Variants in SGCD observed in about 807,000 individuals in gnomAD.
SGCD encodes delta-sarcoglycan.
Under a neutral mutation model 36.6 loss-of-function variants are expected in SGCD, and 18 were observed. The ratio of observed to expected loss-of-function variants is 0.49; its 90% CI spans 0.34 to 0.73. The LOEUF is 0.73. Among genes scored for constraint, SGCD ranks in the 30% least tolerant of loss-of-function variants. The pLI is 0.01. For synonymous variants in SGCD, 133 were observed against 130.6 expected (o/e 1.02, Z -0.12); for missense variants, 387 against 346.7 (o/e 1.12, Z -0.92).
chr5:156,334,536 G>A (rs1768226684), intron 2 of SGCD, among the ~76,000 whole-genome samples: 1 of 151,204 alleles, frequency 6.6e-6, no homozygotes, highest in African/African-American at 2.4e-5. Flanking sequence ...TTTTCCATGA[G>A]GTCAACCTTT....
At chr5:155,829,846 C>T in the SGCD span, among the ~76,000 whole-genome samples, 1 of 152,142 alleles carries the variant, frequency 6.6e-6, no homozygotes, top group Non-Finnish European at 1.5e-5. Flanking sequence ...AATGGAAAGT[C>T]TCAGGTTGTA....
intron 7 of SGCD, among the ~76,000 whole-genome samples, chr5:156,693,347 T>A (rs1754188287): frequency 6.6e-6 from 1 of 152,138 alleles, no homozygotes; most frequent in Admixed American, 6.6e-5. Flanking sequence ...ACTGACCCTG[T>A]CAGAGAGATA....
chr5:155,833,615 G>T, the SGCD span, among the ~76,000 whole-genome samples: 1 of 152,164 alleles, frequency 6.6e-6, no homozygotes, highest in African/African-American at 2.4e-5. Flanking sequence ...AAACCAAGGG[G>T]GGAAAAGTCT....
At chr5:156,391,780 G>A (rs1771584915) in intron 3 of SGCD, among the ~76,000 whole-genome samples, 2 of 152,156 alleles carry the variant, frequency 1.3e-5, no homozygotes, top group Non-Finnish European at 2.9e-5. Flanking sequence ...GTGTTTGCTA[G>A]TACTATCATA....
At chr5:155,764,330 C>T in the SGCD span, among the ~76,000 whole-genome samples, 1 of 152,246 alleles carries the variant, frequency 6.6e-6, no homozygotes, top group Non-Finnish European at 1.5e-5. Flanking sequence ...AAAAAACGTC[C>T]CCAAACATAG....
chr5:156,108,773 T>C (rs1761712311), intron 1 of SGCD, among the ~76,000 whole-genome samples: 1 of 152,148 alleles, frequency 6.6e-6, no homozygotes, highest in Non-Finnish European at 1.5e-5. Context: ...AGAGGGTTGA[T>C]CAAGTTGAGT....
chr5:156,697,257 C>G (rs1475519197), intron 7 of SGCD, among the ~76,000 whole-genome samples: 1 of 152,116 alleles, frequency 6.6e-6, no homozygotes, highest in Non-Finnish European at 1.5e-5. Flanking sequence ...AATTATATCT[C>G]AATATAGTTG....
At chr5:156,561,690 T>C (rs1759273423) in intron 4 of SGCD, among the ~76,000 whole-genome samples, 1 of 152,192 alleles carries the variant, frequency 6.6e-6, no homozygotes, top group Non-Finnish European at 1.5e-5. Context: ...GGTCACTCCT[T>C]CCAGTAAGAG....
At chr5:155,949,952 T>C (rs1757518407) in intron 1 of SGCD, among the ~76,000 whole-genome samples, 1 of 152,222 alleles carries the variant, frequency 6.6e-6, no homozygotes, top group East Asian at 1.9e-4. Flanking sequence ...TTCCCATGCA[T>C]GCGCCTGGAA....
chr5:156,436,515 A>G (rs573452280), intron 3 of SGCD, among the ~76,000 whole-genome samples: 2 of 152,250 alleles, frequency 1.3e-5, no homozygotes, highest in East Asian at 3.9e-4. Flanking sequence ...TAGGAGTTAT[A>G]ATATTGTGGA....
chr5:156,436,164 A>T (rs779265554), intron 3 of SGCD, among the ~76,000 whole-genome samples: 4 of 152,172 alleles, frequency 2.6e-5, no homozygotes, highest in Non-Finnish European at 4.4e-5. Context: ...AACTGCCTGG[A>T]TTCTTTGTCA....
chr5:156,364,366 T>A (rs1350966468), intron 3 of SGCD, among the ~76,000 whole-genome samples: 1 of 120,796 alleles, frequency 8.3e-6, no homozygotes, highest in Non-Finnish European at 1.8e-5. Context: ...GTGTCAGGGC[T>A]ACATTTTTTT....
chr5:156,529,171 A>C (rs910324244), intron 4 of SGCD, among the ~76,000 whole-genome samples: 62 of 152,116 alleles, frequency 4.1e-4, no homozygotes, highest in African/African-American at 1.4e-3. Flanking sequence ...TCACGTCTGT[A>C]ATCCCAGCAC....
At chr5:156,263,417 C>G (rs915794698) in intron 3 of SGCD, among the ~76,000 whole-genome samples, 1 of 152,038 alleles carries the variant, frequency 6.6e-6, no homozygotes, top group Admixed American at 6.6e-5. Context: ...ATTGTCTATT[C>G]ATGTCCTTAG....
chr5:156,342,540 A>G (rs1178162244), intron 2 of SGCD, among the ~76,000 whole-genome samples: 1 of 152,244 alleles, frequency 6.6e-6, no homozygotes, highest in African/African-American at 2.4e-5. Context: ...AATTTATTTC[A>G]GGCTTATAAA....
intron 3 of SGCD, among the ~76,000 whole-genome samples, chr5:156,445,788 C>A (rs1015517774): frequency 1.3e-5 from 2 of 151,956 alleles, no homozygotes; most frequent in African/African-American, 4.8e-5. Flanking sequence ...AGTGATAACC[C>A]CAAAATATCA....
chr5:156,510,435 G>A (rs545636939), intron 4 of SGCD, among the ~76,000 whole-genome samples: 10 of 152,206 alleles, frequency 6.6e-5, no homozygotes, highest in Non-Finnish European at 1.2e-4. Flanking sequence ...TTCCCAACCT[G>A]GCAATTTGGT....
chr5:156,523,080 A>G (rs1261137228), intron 4 of SGCD, among the ~76,000 whole-genome samples: 1 of 152,202 alleles, frequency 6.6e-6, no homozygotes, highest in Non-Finnish European at 1.5e-5. Flanking sequence ...GAATGTTAAA[A>G]GCACCTAATA....
chr5:156,476,539 G>A (rs1581048058), intron 3 of SGCD, among the ~76,000 whole-genome samples: 2 of 152,174 alleles, frequency 1.3e-5, no homozygotes, highest in Admixed American at 6.5e-5. Context: ...GACTTTTAAA[G>A]CGAAGCATTT....
Sources: gnomAD v4.1 joint callset for allele counts (sites outside exome capture counted in the v4.1 genomes callset) on GRCh38, gnomAD v4.1.1 for gene constraint, MANE v1.5 for transcripts, NCBI Gene and HGNC (gene_info 2026-07-23, HGNC 2026-07-21) for gene names.